The following YIF1B variants were observed in gnomAD, a reference collection of about 807,000 sequenced individuals.
YIF1B encodes protein YIF1B.
Under a neutral mutation model 34.6 loss-of-function variants are expected in YIF1B, and 24 were observed. The ratio of observed to expected loss-of-function variants is 0.69; its 90% CI spans 0.50 to 0.98. YIF1B has a LOEUF of 0.98. YIF1B is among the 50% of genes least tolerant of loss of function. The probability of loss-of-function intolerance (pLI) is 0.00; values close to 1 mark genes in which losing one functional copy is unlikely to be tolerated. For missense variants in YIF1B, 368 were observed against 429.4 expected (o/e 0.86, Z 1.26); for synonymous variants, 186 against 184.8 (o/e 1.01, Z -0.05).
At chr19:38,305,580 A>ATACT in intron 7 of YIF1B, 73 bp from the exon 8 acceptor site, 1 of 1,499,436 alleles carries the variant, frequency 6.7e-7, no homozygotes, top group Non-Finnish European at 9.0e-7. Flanking sequence ...GAGCCCGGAC[A>ATACT]TACTTCCAGC....
At chr19:38,312,153 G>T (rs1336196854) in intron 1 of YIF1B, among the ~76,000 whole-genome samples, 1 of 151,462 alleles carries the variant, frequency 6.6e-6, no homozygotes, top group East Asian at 2.0e-4. Flanking sequence ...GCTGGGCATG[G>T]TGTCTCACGT....
chr19:38,306,815 G>A, intron 7 of YIF1B: 1 of 353,126 alleles, frequency 2.8e-6, no homozygotes. Context: ...CTGAGTAGCT[G>A]GGACTACAGG....
At chr19:38,306,682 T>TA in intron 7 of YIF1B, 1 of 243,084 alleles carries the variant, frequency 4.1e-6, no homozygotes, top group African/African-American at 2.4e-5. Flanking sequence ...AGTTTATTTT[T>TA]TATTTTTATT....
At position 38,304,411 on chromosome 19, in the gene YIF1B, C is replaced by G; in HGVS notation, c.*941G>C. On this transcript the variant is annotated 3_prime_UTR_variant, in exon 8 of 8. Transcript: ENST00000339413. ...ACCTCCCAGAAGCCCGGTGTGGGGG[C>G]GGGCCACGGGGGAGATCCCAAGCTC... 2 of 1,565,850 alleles carry G rather than the reference C, an allele frequency of 1.3e-6. No homozygotes were observed. The highest frequency in any genetic ancestry group is 1.7e-6 in the Non-Finnish European group (2 of 1,155,884).
upstream of YIF1B, among the ~76,000 whole-genome samples, chr19:38,321,304 C>G (rs1314707660): frequency 6.6e-6 from 1 of 152,176 alleles, no homozygotes; most frequent in Admixed American, 6.5e-5. Context: ...CCCCATACTC[C>G]CCAGCAGGCA....
At chr19:38,309,187 G>A in intron 3 of YIF1B, 37 bp downstream of exon 3, 4 of 1,609,812 alleles carry the variant, frequency 2.5e-6, no homozygotes, top group Admixed American at 1.7e-5. Flanking sequence ...CCCCCCACAG[G>A]CCCACTGCAG....
intron 1 of YIF1B, among the ~76,000 whole-genome samples, chr19:38,311,614 G>A (rs1600397496): frequency 6.6e-6 from 1 of 152,302 alleles, no homozygotes; most frequent in African/African-American, 2.4e-5. Context: ...TTTTTAAAAG[G>A]TCCCTGTGGC....
chr19:38,304,418 C>A lies in YIF1B; in HGVS notation c.*934G>T. ...AGAAGCCCGGTGTGGGGGCGGGCCACGGGGGAGATCCCAAGCTCAGTCCCC... is the reference window on the plus strand; with the variant it reads ...AGAAGCCCGGTGTGGGGGCGGGCCAAGGGGGAGATCCCAAGCTCAGTCCCC... On this transcript the variant is annotated 3_prime_UTR_variant, in exon 8 of 8. Transcript: ENST00000339413. The A allele has an allele frequency of 6.4e-7, 1 of 1,562,662 alleles. No homozygotes were observed. Among genetic ancestry groups the A allele is most frequent in the Non-Finnish European group, 8.7e-7 (1 of 1,154,046 alleles).
chr19:38,310,555 CAAT>C (rs1969287931), intron 1 of YIF1B, among the ~76,000 whole-genome samples: 1 of 152,050 alleles, frequency 6.6e-6, no homozygotes, highest in Non-Finnish European at 1.5e-5. Flanking sequence ...ATCCAGATAT[CAAT>C]GATGATGATT....
At chr19:38,311,107 C>T (rs576813922) in intron 1 of YIF1B, among the ~76,000 whole-genome samples, 13 of 151,780 alleles carry the variant, frequency 8.6e-5, no homozygotes, top group East Asian at 5.8e-4. Flanking sequence ...GGCAACATGG[C>T]GAGACCCCAT....
At position 38,304,821 on chromosome 19, in the gene YIF1B, C is replaced by T. The variant is rs574460062; in HGVS notation, c.*531G>A. 10 of 1,613,608 alleles carry T rather than the reference C, an allele frequency of 6.2e-6. No individual in the cohort carries two copies. The South Asian group carries it at 9.9e-5, about 16-fold the overall frequency. On this transcript the variant is annotated 3_prime_UTR_variant, in exon 8 of 8. Coordinates refer to ENST00000339413, the MANE Select transcript of YIF1B (RefSeq NM_001039672.3). The stretch of plus-strand genomic sequence containing the variant: ...CCAGCCCAGAACCATCTCTTCTCTC[C>T]CATCCCTGCCCTCGGCCCCACAGTC...
intron 1 of YIF1B, among the ~76,000 whole-genome samples, chr19:38,315,088 G>A (rs554186590): frequency 2.7e-4 from 41 of 151,606 alleles, no homozygotes; most frequent in Admixed American, 2.6e-4. Flanking sequence ...GAGAAACCCC[G>A]TCTATACCAC....
upstream of YIF1B, chr19:38,320,205 C>T (rs1206515943): frequency 6.2e-7 from 1 of 1,602,770 alleles, no homozygotes; most frequent in Non-Finnish European, 8.5e-7. Context: ...GGTCCGCCAA[C>T]GCCTCGGACC....
rs1024571082 is a variant in YIF1B, at chr19:38,314,639, T to G, written c.58+1221A>C. Among the ~76,000 whole-genome samples, 28 of 146,918 alleles carry G rather than the reference T, an allele frequency of 1.9e-4. 1 individual carries two copies. In the East Asian group the frequency reaches 5.0e-3, roughly 26 times the overall value. On this transcript the variant is annotated intron_variant, in intron 1 of 7. Transcript: ENST00000339413. ...CTCTTTTTTTTTTTTTTTTTTTTTT[T>G]TTGAGGCGAAGTCTTGCTCTGTCGC...
At chr19:38,311,532 A>G (rs966475241) in intron 1 of YIF1B, among the ~76,000 whole-genome samples, 1 of 152,168 alleles carries the variant, frequency 6.6e-6, no homozygotes, top group Non-Finnish European at 1.5e-5. Flanking sequence ...CATTTTACAT[A>G]TGAGAAAAGC....
At position 38,303,984 on chromosome 19, in the gene YIF1B, C is replaced by T. The variant is rs78421293; in HGVS notation, c.*1368G>A. Among the ~76,000 whole-genome samples the T allele has an allele frequency of 0.015, 2,212 of 152,278 alleles. 44 individuals are homozygous for T. The highest frequency in any genetic ancestry group is 0.05 in the African/African-American group (2,062 of 41,552). ...GAGCATCTGAGCTTTTGGGGGAAAC[C>T]TGTAGCTCCCCGAATGCCATCCACA... On this transcript the variant is annotated 3_prime_UTR_variant, in exon 8 of 8. Coordinates refer to ENST00000339413, the MANE Select transcript of YIF1B (RefSeq NM_001039672.3).
chr19:38,314,863 T>G (rs567802142), intron 1 of YIF1B, among the ~76,000 whole-genome samples: 10 of 151,432 alleles, frequency 6.6e-5, no homozygotes, highest in Non-Finnish European at 1.3e-4. Context: ...TTCGCCCACC[T>G]CGACCTCCCA....
chr19:38,308,814 G>A lies in YIF1B; in HGVS notation c.517C>T (p.Leu173Phe), dbSNP rs1234997551. 1 of 1,613,900 alleles carries A rather than the reference G, an allele frequency of 6.2e-7. No homozygotes were observed. ...TACCTATCCTGGGTCCCCAGCGCAAGACCAGCCACCAAAACGTAGGTGATG... is the reference window on the plus strand; with the variant it reads ...TACCTATCCTGGGTCCCCAGCGCAAAACCAGCCACCAAAACGTAGGTGATG... The part of the protein sequence containing the change: ...AFITYVLVAG[L>F]ALGTQDRFSP... Residue 173 changes from leucine (L) to phenylalanine (F), a missense_variant, in exon 5 of 8, where the codon CTT becomes TTT. Leu to Phe is a conservative substitution (Grantham distance 22, BLOSUM62 0). Transcript: ENST00000339413.
In YIF1B at chr19:38,308,982, G is replaced by A; in HGVS notation, c.478C>T (p.Pro160Ser). Residue 160 changes from proline (P) to serine (S), a missense_variant, in exon 4 of 8, where the codon CCA becomes TCA. By Grantham distance (74) the Pro-to-Ser change is moderately conservative. Around this residue, in one of 3 missense-constraint regions of YIF1B, gnomAD observed 208 missense variants for 247.8 expected, o/e 0.84. Transcript: ENST00000339413. The part of the protein sequence containing the change: ...FDVNAPDLYI[P>S]AMAFITYVLV... Reference sequence around the variant, plus strand: ...CAGGGTAGGGGGAGGGTGAAACCTGGAATGTAGAGGTCCGGGGCATTGACG... The same window carrying A: ...CAGGGTAGGGGGAGGGTGAAACCTGAAATGTAGAGGTCCGGGGCATTGACG... The A allele has an allele frequency of 6.2e-7, 1 of 1,600,668 alleles. No individual in the cohort carries two copies. The highest frequency in any genetic ancestry group is 8.5e-7 in the Non-Finnish European group (1 of 1,171,918).
Sources: gnomAD v4.1 joint callset for allele counts (sites outside exome capture counted in the v4.1 genomes callset) on GRCh38, gnomAD v4.1.1 for gene constraint, gnomAD v4.1.1 regional missense constraint, MANE v1.5 for transcripts, NCBI Gene and HGNC (gene_info 2026-07-23, HGNC 2026-07-21) for gene names.